The following COL4A2 variants were observed in gnomAD, a reference collection of about 807,000 sequenced individuals.
COL4A2 encodes collagen alpha-2(IV) chain.
COL4A2 carries 99 observed loss-of-function variants against 200.2 expected under a neutral mutation model. That is an observed-to-expected ratio of 0.49 (90% confidence interval 0.42 to 0.58). The LOEUF (loss-of-function observed/expected upper bound fraction) is 0.58. Ranked by LOEUF, COL4A2 falls within the 20% of genes least tolerant of loss-of-function variation. The probability of loss-of-function intolerance (pLI) is 0.00; values close to 1 mark genes in which losing one functional copy is unlikely to be tolerated. For synonymous variants in COL4A2, 897 were observed against 900.6 expected, an observed-to-expected ratio of 1.00 and a Z score of 0.07; for missense variants, 1,950 against 2,314.1, an observed-to-expected ratio of 0.84 and a Z score of 3.23.
In COL4A2 at chr13:110,385,635, G is replaced by A. The variant is rs113440625; in HGVS notation, c.180+28083G>A. ...GGCCGTGGCTACAGTGTGTGGATAGGCCGTGGCTACAGTGTGTGGATAGAC... is the reference window on the plus strand; with the variant it reads ...GGCCGTGGCTACAGTGTGTGGATAGACCGTGGCTACAGTGTGTGGATAGAC... On this transcript the variant is annotated intron_variant, in intron 4 of 47. Coordinates refer to ENST00000360467, the MANE Select transcript of COL4A2 (RefSeq NM_001846.4). 2.1e-4 allele frequency among the ~76,000 whole-genome samples: 7 copies of A among 33,478 alleles called. 1 individual carries two copies. The highest frequency in any genetic ancestry group is 2.8e-4 in the Admixed American group (1 of 3,572). 22.0% of individuals were successfully genotyped at this position (33,478 alleles called of 152,430 possible). A position where few individuals can be genotyped will look rare whatever the true frequency, so the allele number is the denominator to read the frequency against.
At chr13:110,476,553 A>G (rs960876566) in intron 29 of COL4A2, among the ~76,000 whole-genome samples, 3 of 151,994 alleles carry the variant, frequency 2.0e-5, no homozygotes, top group Non-Finnish European at 4.4e-5. Flanking sequence ...CCCTTTTGTC[A>G]CTGCCCCCTC....
intron 16 of COL4A2, among the ~76,000 whole-genome samples, chr13:110,441,909 G>A (rs183400497): frequency 6.7e-6 from 1 of 149,786 alleles, no homozygotes; most frequent in African/African-American, 2.5e-5. Flanking sequence ...GTGAAACCCT[G>A]TCTCTACTAA....
chr13:110,504,592 C>T (rs369396410), intron 45 of COL4A2, among the ~76,000 whole-genome samples: 10 of 152,180 alleles, frequency 6.6e-5, no homozygotes, highest in African/African-American at 2.2e-4. Context: ...AGCCGCACTG[C>T]GAAGCCCTGT....
At chr13:110,430,312 TATGCTTATTTC>T (rs1566528470) in intron 8 of COL4A2, 78 bp from the exon 9 acceptor site, 49 of 1,547,954 alleles carry the variant, frequency 3.2e-5, no homozygotes, top group Non-Finnish European at 4.2e-5. Flanking sequence ...ATCTGTTTGA[TATGCTTATTTC>T]CAACTCTGCA....
chr13:110,447,649 G>A (rs1358478364), intron 18 of COL4A2, among the ~76,000 whole-genome samples: 1 of 152,178 alleles, frequency 6.6e-6, no homozygotes, highest in Non-Finnish European at 1.5e-5. Context: ...AGTCAGCTCT[G>A]TGAGGACAGA....
intron 16 of COL4A2, among the ~76,000 whole-genome samples, chr13:110,442,086 T>A (rs1881147203): frequency 5.5e-5 from 1 of 18,044 alleles, no homozygotes; most frequent in Non-Finnish European, 9.5e-5. Flanking sequence ...ACTCTCTGTC[T>A]CAAAAAAAAA....
chr13:110,392,984 G>T (rs1879044495), intron 4 of COL4A2, among the ~76,000 whole-genome samples: 1 of 152,226 alleles, frequency 6.6e-6, no homozygotes, highest in South Asian at 2.1e-4. Flanking sequence ...GGAGGATTCT[G>T]ACTAGCCTGG....
intron 20 of COL4A2, among the ~76,000 whole-genome samples, chr13:110,451,068 G>T (rs564285715): frequency 6.6e-6 from 1 of 152,342 alleles, no homozygotes; most frequent in African/African-American, 2.4e-5. Context: ...AGGCACAGGA[G>T]TGTGGACCCA....
intron 8 of COL4A2, 32 bp downstream of exon 8, chr13:110,429,988 AG>A (rs772984586): frequency 3.9e-6 from 6 of 1,550,540 alleles, no homozygotes; most frequent in Non-Finnish European, 5.2e-6. Flanking sequence ...GGGGTAATGA[AG>A]GGACCCAGTG....
rs111629941 is a variant in COL4A2 at position 110,449,565 on chromosome 13, C to T, written c.1079-114C>T. On this transcript the variant is annotated intron_variant, in intron 18 of 47. Transcript: ENST00000360467. The stretch of plus-strand genomic sequence containing the variant: ...TTAATCATCTTAACTCCTCATCAGG[C>T]CGCATACAGCATATGGAGCATTTGG... 7 of 974,792 alleles carry T rather than the reference C, an allele frequency of 7.2e-6. No individual in the cohort carries two copies. In the African/African-American group the frequency reaches 9.8e-5, roughly 14 times the overall value. The allele number at this position is 974,792 out of a possible 1,614,324, so 60.4% of individuals were successfully genotyped here.
At chr13:110,356,955 G>T (rs1267891034) in intron 3 of COL4A2, among the ~76,000 whole-genome samples, 2 of 151,978 alleles carry the variant, frequency 1.3e-5, no homozygotes, top group Admixed American at 6.6e-5. Flanking sequence ...TAGTAGAGAC[G>T]GGGTTTCACC....
At chr13:110,338,120 C>G (rs1265401194) in intron 3 of COL4A2, among the ~76,000 whole-genome samples, 1 of 152,080 alleles carries the variant, frequency 6.6e-6, no homozygotes, top group Non-Finnish European at 1.5e-5. Flanking sequence ...TTTCCGTGAT[C>G]CCTTGTTGAG....
chr13:110,356,770 CTT>C (rs66516455), intron 3 of COL4A2, among the ~76,000 whole-genome samples: 20,131 of 136,474 alleles, frequency 0.15, 1,623 homozygotes, highest in Middle Eastern at 0.24. Flanking sequence ...TTTATAGGCA[CTT>C]TTTTTTTTTT....
intron 31 of COL4A2, among the ~76,000 whole-genome samples, chr13:110,482,197 C>G (rs1266960185): frequency 6.6e-6 from 1 of 152,226 alleles, no homozygotes; most frequent in Non-Finnish European, 1.5e-5. Context: ...GCTCCTCTGC[C>G]TTTGTCTTGA....
intron 3 of COL4A2, among the ~76,000 whole-genome samples, chr13:110,324,304 C>T (rs1404756100): frequency 1.3e-5 from 2 of 152,118 alleles, no homozygotes; most frequent in African/African-American, 2.4e-5. Flanking sequence ...ATCACACAGT[C>T]CCTGGATGTG....
At chr13:110,447,737 G>C (rs1418045706) in intron 18 of COL4A2, among the ~76,000 whole-genome samples, 1 of 108,252 alleles carries the variant, frequency 9.2e-6, no homozygotes, top group Non-Finnish European at 2.1e-5. Context: ...CTCAGCAAAC[G>C]CCTGACTGAG....
intron 4 of COL4A2, among the ~76,000 whole-genome samples, chr13:110,416,870 G>A (rs1474919122): frequency 1.3e-5 from 2 of 152,216 alleles, no homozygotes; most frequent in Non-Finnish European, 2.9e-5. Context: ...TGCCCTGTGG[G>A]CTGTGTCCCA....
At chr13:110,439,691 C>T (rs1016856601) in intron 15 of COL4A2, 98 bp from the exon 16 acceptor site, 139 of 1,585,452 alleles carry the variant, frequency 8.8e-5, no homozygotes, top group Admixed American at 2.4e-4. Context: ...TGTCCATCGG[C>T]ATTTTGCTGT....
At chr13:110,395,514 G>C (rs923748492) in intron 4 of COL4A2, among the ~76,000 whole-genome samples, 1 of 152,186 alleles carries the variant, frequency 6.6e-6, no homozygotes, top group Non-Finnish European at 1.5e-5. Context: ...AAAGTTAAAT[G>C]AGAACGTGAC....
Sources: allele counts gnomAD v4.1 joint callset (sites outside exome capture counted in the v4.1 genomes callset), GRCh38; gene constraint gnomAD v4.1.1; transcripts MANE v1.5; gene names NCBI Gene and HGNC (gene_info 2026-07-23, HGNC 2026-07-21).